Variants in GPALPP1 observed in about 807,000 individuals in gnomAD.
GPALPP1 encodes the protein GPALPP motifs containing 1.
In GPALPP1, 30 loss-of-function variants were observed where a neutral mutation model predicts 38.9. The observed-to-expected ratio is 0.77, with a 90% CI of 0.58 to 1.05. The LOEUF is 1.05. Among genes scored for constraint, GPALPP1 ranks in the 50% least tolerant of loss-of-function variants. The pLI, the probability that GPALPP1 is intolerant of heterozygous loss-of-function variation, is 0.00. For missense variants in GPALPP1, 384 were observed against 408.8 expected (o/e 0.94, Z 0.52); for synonymous variants, 120 against 139.2 (o/e 0.86, Z 0.97).
chr13:45,012,664 A>G (rs1874564578), intron 4 of GPALPP1, among the ~76,000 whole-genome samples: 1 of 152,178 alleles, frequency 6.6e-6, no homozygotes, highest in South Asian at 2.1e-4. Context: ...TTTTGGTAGA[A>G]GGCGAGGGTC....
At chr13:44,998,651 G>A (rs1022736720) in intron 1 of GPALPP1, among the ~76,000 whole-genome samples, 1 of 152,102 alleles carries the variant, frequency 6.6e-6, no homozygotes, top group Admixed American at 6.5e-5. Context: ...GCTAACTCAG[G>A]TCCCACCCCT....
At chr13:45,004,024 A>G (rs1328609468) in intron 1 of GPALPP1, among the ~76,000 whole-genome samples, 1 of 152,044 alleles carries the variant, frequency 6.6e-6, no homozygotes, top group Non-Finnish European at 1.5e-5. Context: ...CAAGGAAATT[A>G]CATGCTATTG....
chr13:44,996,533 G>C (rs1314373381), intron 1 of GPALPP1, among the ~76,000 whole-genome samples: 2 of 151,680 alleles, frequency 1.3e-5, no homozygotes, highest in Non-Finnish European at 2.9e-5. Flanking sequence ...ATCCTGGCTG[G>C]AGTGCAGTGG....
At chr13:45,018,845 A>G (rs1007863830) in intron 6 of GPALPP1, among the ~76,000 whole-genome samples, 7 of 149,498 alleles carry the variant, frequency 4.7e-5, no homozygotes, top group African/African-American at 1.7e-4. Context: ...GCTAATATAA[A>G]TGATAGTTTT....
At chr13:45,015,658 T>C (rs1009357528) in intron 6 of GPALPP1, 62 bp downstream of exon 6, 4 of 1,139,864 alleles carry the variant, frequency 3.5e-6, no homozygotes, top group Non-Finnish European at 2.4e-6. Context: ...TTTGAAAAGA[T>C]ATAATGCAAA....
chr13:44,990,007 C>T (rs1872668355), intron 1 of GPALPP1: 1 of 551,140 alleles, frequency 1.8e-6, no homozygotes, highest in South Asian at 2.4e-5. Context: ...GCTGCCCTAA[C>T]TGACTGATAC....
At chr13:45,033,454 A>G (rs1362249256), downstream of GPALPP1, 1 of 152,180 alleles carries the variant, frequency 6.6e-6, no homozygotes, top group Non-Finnish European at 1.5e-5. Context: ...TGCAGCTTAA[A>G]AAATTGCTTG....
intron 4 of GPALPP1, among the ~76,000 whole-genome samples, chr13:45,009,346 C>T (rs1457043275): frequency 6.6e-6 from 1 of 152,286 alleles, no homozygotes. Flanking sequence ...GACCAAATGA[C>T]TTTGGAGTAA....
chr13:45,008,338 G>T lies in GPALPP1; in HGVS notation c.324-457G>T, dbSNP rs1476740066. On this transcript the variant is annotated intron_variant, in intron 3 of 7. Transcript: ENST00000379151. ...GCACATGCTATATATGTCCTTAGAA[G>T]AACTCAATTTCTACTTTGGTAGTTC... Among the ~76,000 whole-genome samples, 62 of 152,136 alleles carry T rather than the reference G, an allele frequency of 4.1e-4. 1 individual carries two copies. Among genetic ancestry groups the T allele is most frequent in the Admixed American group, 4.1e-3 (62 of 15,280 alleles).
chr13:45,035,037 A>G (rs1876362216), downstream of GPALPP1: 1 of 146,706 alleles, frequency 6.8e-6, no homozygotes, highest in African/African-American at 2.5e-5. Flanking sequence ...GCTCACTGCA[A>G]GCTCCGCCTC....
At chr13:45,003,632 A>G (rs1873847950) in intron 1 of GPALPP1, among the ~76,000 whole-genome samples, 1 of 152,184 alleles carries the variant, frequency 6.6e-6, no homozygotes, top group South Asian at 2.1e-4. Flanking sequence ...CACTGCAGTG[A>G]CACCATATAG....
intron 7 of GPALPP1, among the ~76,000 whole-genome samples, chr13:45,022,549 C>A (rs901376933): frequency 6.6e-6 from 1 of 151,998 alleles, no homozygotes; most frequent in African/African-American, 2.4e-5. Context: ...TAATCTGAAG[C>A]CTGAAAGCTG....
At chr13:44,998,817 C>G (rs970779448) in intron 1 of GPALPP1, among the ~76,000 whole-genome samples, 2 of 152,128 alleles carry the variant, frequency 1.3e-5, no homozygotes, top group Non-Finnish European at 2.9e-5. Context: ...ACAGTTGACC[C>G]TGTAGATCTG....
At chr13:45,008,944 T>G (rs762382045) in intron 4 of GPALPP1, 65 bp downstream of exon 4, 1 of 941,800 alleles carries the variant, frequency 1.1e-6, no homozygotes, top group Non-Finnish European at 1.7e-6. Context: ...AGATGTATTG[T>G]AACAAACTCC....
downstream of GPALPP1, chr13:45,033,231 T>A (rs1876288071): frequency 6.6e-6 from 1 of 152,174 alleles, no homozygotes; most frequent in Non-Finnish European, 1.5e-5. Flanking sequence ...ATTTTTTCCA[T>A]GCAGTGATAG....
intron 4 of GPALPP1, among the ~76,000 whole-genome samples, chr13:45,014,678 G>A (rs1349338373): frequency 6.6e-6 from 1 of 152,166 alleles, no homozygotes; most frequent in African/African-American, 2.4e-5. Flanking sequence ...CTACATCTGT[G>A]TCCTTCAGGA....
intron 3 of GPALPP1, among the ~76,000 whole-genome samples, chr13:45,008,169 A>C (rs1874231524): frequency 6.6e-6 from 1 of 152,236 alleles, no homozygotes; most frequent in African/African-American, 2.4e-5. Context: ...TGCTTGAAAT[A>C]TGGTTAGCAC....
chr13:45,000,926 A>G (rs1245636161), intron 1 of GPALPP1, among the ~76,000 whole-genome samples: 1 of 152,256 alleles, frequency 6.6e-6, no homozygotes, highest in Non-Finnish European at 1.5e-5. Context: ...TACCTGTTCT[A>G]TAGTAATGCA....
At chr13:45,022,592 T>C (rs1387327069) in intron 7 of GPALPP1, among the ~76,000 whole-genome samples, 1 of 152,188 alleles carries the variant, frequency 6.6e-6, no homozygotes, top group African/African-American at 2.4e-5. Flanking sequence ...AAAGTATTAA[T>C]ATAGTCTTAA....
Sources: gnomAD v4.1 joint callset for allele counts (sites outside exome capture counted in the v4.1 genomes callset) on GRCh38, gnomAD v4.1.1 for gene constraint, MANE v1.5 for transcripts, NCBI Gene and HGNC (gene_info 2026-07-23, HGNC 2026-07-21) for gene names.